KIAA1671: variants seen among roughly 807,000 people sequenced by gnomAD.
KIAA1671 encodes the protein KIAA1671, also known as uncharacterized protein KIAA1671.
A neutral mutation model predicts 131.2 loss-of-function variants in KIAA1671; 52 were observed. The ratio of observed to expected loss-of-function variants is 0.40; its 90% CI spans 0.32 to 0.50. KIAA1671 has a LOEUF of 0.50. KIAA1671 is among the 20% of genes least tolerant of loss of function. The probability of loss-of-function intolerance (pLI) is 0.73; values close to 1 mark genes in which losing one functional copy is unlikely to be tolerated. For synonymous variants in KIAA1671, 1,003 were observed against 961.6 expected (o/e 1.04, Z -0.80); for missense variants, 2,360 against 2,364.2 (o/e 1.00, Z 0.04).
intron 1 of KIAA1671, among the ~76,000 whole-genome samples, chr22:24,962,929 C>G (rs1922087672): frequency 6.6e-6 from 1 of 152,036 alleles, no homozygotes; most frequent in African/African-American, 2.4e-5. Flanking sequence ...CAGCCCTGAC[C>G]CAGCCAGAAA....
chr22:25,131,645 A>G (rs1052778576), intron 6 of KIAA1671, among the ~76,000 whole-genome samples: 1 of 152,222 alleles, frequency 6.6e-6, no homozygotes, highest in African/African-American at 2.4e-5. Flanking sequence ...TGCCTGTTGC[A>G]TGTGTCCTGT....
chr22:25,072,547 C>G (rs1928883760), intron 6 of KIAA1671, among the ~76,000 whole-genome samples: 1 of 152,142 alleles, frequency 6.6e-6, no homozygotes, highest in Non-Finnish European at 1.5e-5. Flanking sequence ...CACGTGTTAA[C>G]AAGACCGGGA....
At chr22:25,184,816 C>T (rs1262150208) in intron 10 of KIAA1671, among the ~76,000 whole-genome samples, 161 bp from the exon 11 acceptor site, 1 of 152,152 alleles carries the variant, frequency 6.6e-6, no homozygotes, top group Non-Finnish European at 1.5e-5. Context: ...GCCAGACTGA[C>T]ATCTGACTTT....
chr22:25,154,407 G>C (rs1366061300), intron 6 of KIAA1671, among the ~76,000 whole-genome samples: 1 of 152,238 alleles, frequency 6.6e-6, no homozygotes, highest in Non-Finnish European at 1.5e-5. Context: ...ACCACTGCAG[G>C]AGCTCGTTCT....
chr22:25,177,824 A>G (rs1934094121), intron 9 of KIAA1671, among the ~76,000 whole-genome samples: 1 of 152,000 alleles, frequency 6.6e-6, no homozygotes, highest in Non-Finnish European at 1.5e-5. Context: ...TCTGAGTCCC[A>G]CAAAAGCCAC....
chr22:25,123,182 G>A (rs2145931607), intron 6 of KIAA1671, among the ~76,000 whole-genome samples: 1 of 140,582 alleles, frequency 7.1e-6, no homozygotes, highest in South Asian at 2.3e-4. Context: ...CATCACTTCT[G>A]AGATGAGGTT....
rs549715379 is a variant in KIAA1671 at position 25,142,943 on chromosome 22, T to TG, written c.4531-27875dup. ...CCTTACCTGGGAAGTAAGTGGGGACTGGCCCTTCAGAGGCAGGCCCCAGCT... is the reference window on the plus strand; with the variant it reads ...CCTTACCTGGGAAGTAAGTGGGGACTGGGCCCTTCAGAGGCAGGCCCCAGCT... On this transcript the variant is annotated intron_variant, in intron 6 of 12. Coordinates refer to ENST00000358431, the MANE Select transcript of KIAA1671 (RefSeq NM_001145206.2). Among the ~76,000 whole-genome samples the TG allele has an allele frequency of 9.7e-4, 148 of 152,384 alleles. 1 individual carries two copies. Among genetic ancestry groups the TG allele is most frequent in the African/African-American group, 3.4e-3 (141 of 41,598 alleles).
intron 6 of KIAA1671, among the ~76,000 whole-genome samples, chr22:25,163,108 G>A (rs1410554997): frequency 1.3e-5 from 2 of 151,942 alleles, no homozygotes; most frequent in Non-Finnish European, 2.9e-5. Context: ...CAGGTAGATC[G>A]CTTGAGCCCA....
chr22:25,136,058 G>A (rs1362444552), intron 6 of KIAA1671, among the ~76,000 whole-genome samples: 2 of 152,240 alleles, frequency 1.3e-5, no homozygotes, highest in African/African-American at 4.8e-5. Flanking sequence ...GCTTGCACTT[G>A]AGACCAGGAG....
At chr22:25,020,674 T>C (rs1036230962) in intron 1 of KIAA1671, among the ~76,000 whole-genome samples, 11 of 152,136 alleles carry the variant, frequency 7.2e-5, no homozygotes, top group African/African-American at 2.4e-4. Flanking sequence ...GCCCCACTCA[T>C]GGAGCATTAG....
In KIAA1671 at chr22:25,114,676, T is replaced by C. The variant is rs557763591; in HGVS notation, c.4531-56144T>C. ...GTGGCCGTTCTTAGCTTGTGGTGCTTAAAAATTAGTTCTTGTGGCAACCAA... is the reference window on the plus strand; with the variant it reads ...GTGGCCGTTCTTAGCTTGTGGTGCTCAAAAATTAGTTCTTGTGGCAACCAA... On this transcript the variant is annotated intron_variant, in intron 6 of 12. Coordinates refer to ENST00000358431, the MANE Select transcript of KIAA1671 (RefSeq NM_001145206.2). 5.3e-5 allele frequency among the ~76,000 whole-genome samples: 8 copies of C among 152,282 alleles called. No individual in the cohort carries two copies. The South Asian group carries it at 1.7e-3, about 32-fold the overall frequency.
chr22:25,097,830 T>C (rs1282406833), intron 6 of KIAA1671, among the ~76,000 whole-genome samples: 2 of 152,050 alleles, frequency 1.3e-5, no homozygotes, highest in African/African-American at 4.8e-5. Flanking sequence ...CCTGAAATAT[T>C]TACCATATGG....
chr22:24,972,146 CA>C (rs546246178), intron 1 of KIAA1671, among the ~76,000 whole-genome samples: 174 of 152,222 alleles, frequency 1.1e-3, no homozygotes, highest in Admixed American at 2.4e-3. Context: ...GCAGGCAGAC[CA>C]ACATTATGCA....
At chr22:24,989,338 T>A (rs987336674) in intron 1 of KIAA1671, among the ~76,000 whole-genome samples, 3 of 151,990 alleles carry the variant, frequency 2.0e-5, no homozygotes, top group Admixed American at 1.3e-4. Flanking sequence ...TGCAGGGGGG[T>A]CACAGCCCTG....
chr22:24,967,793 C>G (rs936106196), intron 1 of KIAA1671, among the ~76,000 whole-genome samples: 1 of 152,162 alleles, frequency 6.6e-6, no homozygotes, highest in Non-Finnish European at 1.5e-5. Context: ...GAGATCGAGA[C>G]CATCCTGGCT....
chr22:25,017,778 T>A (rs1457884670), intron 1 of KIAA1671, among the ~76,000 whole-genome samples: 4 of 152,176 alleles, frequency 2.6e-5, no homozygotes, highest in Non-Finnish European at 4.4e-5. Context: ...CATCTTGTTC[T>A]GGCTCCTAAG....
At chr22:25,181,440 A>C (rs977707312) in intron 9 of KIAA1671, among the ~76,000 whole-genome samples, 2 of 152,062 alleles carry the variant, frequency 1.3e-5, no homozygotes, top group Non-Finnish European at 2.9e-5. Flanking sequence ...GGCCCAGGAG[A>C]TGGGTTTGCC....
chr22:25,118,389 C>T (rs1039167889), intron 6 of KIAA1671, among the ~76,000 whole-genome samples: 4 of 152,050 alleles, frequency 2.6e-5, no homozygotes, highest in African/African-American at 9.7e-5. Context: ...GATGATCTCA[C>T]CTAGGATGAT....
chr22:25,170,386 C>T (rs1022503223), intron 6 of KIAA1671, among the ~76,000 whole-genome samples: 1 of 152,152 alleles, frequency 6.6e-6, no homozygotes, highest in Non-Finnish European at 1.5e-5. Context: ...TCTGGTGATG[C>T]GGTTGGGAAA....
Sources: gnomAD v4.1 joint callset for allele counts (sites outside exome capture counted in the v4.1 genomes callset) on GRCh38, gnomAD v4.1.1 for gene constraint, MANE v1.5 for transcripts, NCBI Gene and HGNC (gene_info 2026-07-23, HGNC 2026-07-21) for gene names.